The following RPL13 variants were observed in gnomAD, a reference collection of about 807,000 sequenced individuals.
RPL13 encodes large ribosomal subunit protein eL13.
RPL13 carries 1 observed loss-of-function variant against 21.4 expected under a neutral mutation model. The observed-to-expected ratio is 0.05, with a 90% CI of 0.02 to 0.22. RPL13 has a LOEUF of 0.22. Ranked by LOEUF, RPL13 falls within the 10% of genes least tolerant of loss-of-function variation. The probability of loss-of-function intolerance (pLI) is 1.00; values close to 1 mark genes in which losing one functional copy is unlikely to be tolerated. For missense variants in RPL13, 289 were observed against 303.0 expected (o/e 0.95, Z 0.34); for synonymous variants, 143 against 120.5 (o/e 1.19, Z -1.23).
rs990293728 is a variant in RPL13, at chr16:89,561,750, C to T, written c.419C>T (p.Ser140Phe). 23 of 1,613,044 alleles carry T rather than the reference C, an allele frequency of 1.4e-5. No homozygotes were observed. Among genetic ancestry groups the T allele is most frequent in the Non-Finnish European group, 1.8e-5 (21 of 1,179,522 alleles). The change falls in exon 4 of 6, where the codon TCT (serine) becomes TTT (phenylalanine). Residue 140 changes from serine to phenylalanine, a missense_variant and splice_region_variant. Transcript: ENST00000311528. ...TCGGCCCCCAAGAAGGGAGACAGTT[C>T]TGTGAGTACACGGCTCTCTGGCCGT... is the stretch of plus-strand genomic sequence containing the variant. ...KPSAPKKGDSSAEELKLATQL... is the reference protein window; with the variant it reads ...KPSAPKKGDSFAEELKLATQL...
At chr16:89,561,839 T>G (rs2058747452) in intron 4 of RPL13, 88 bp downstream of exon 4, 1 of 1,446,282 alleles carries the variant, frequency 6.9e-7, no homozygotes, top group Non-Finnish European at 9.5e-7. Context: ...TGGGTCTTGC[T>G]GGGGTGAGAA....
intron 4 of RPL13, 93 bp from the exon 5 acceptor site, chr16:89,562,242 C>G: frequency 4.9e-6 from 6 of 1,227,750 alleles, no homozygotes; most frequent in Non-Finnish European, 7.1e-6. Flanking sequence ...GTCCTGAACA[C>G]GGAATCCCCA....
rs1340125493 is a variant in RPL13 at position 89,563,865 on chromosome 16, C to T, written c.*823C>T. ...ACCCTTCCTTCAATGGGCTTCTTCA[C>T]CCAGACACCAAGGTATGAGATGGCC... On this transcript the variant is annotated 3_prime_UTR_variant, in exon 6 of 6. Coordinates refer to ENST00000311528, the MANE Select transcript of RPL13 (RefSeq NM_000977.4). 2 of 152,252 alleles carry T rather than the reference C, an allele frequency of 1.3e-5. No individual in the cohort carries two copies. Among genetic ancestry groups the T allele is most frequent in the Admixed American group, 6.5e-5 (1 of 15,282 alleles). The allele number at this position is 152,252 out of a possible 1,614,324, so 9.4% of individuals were successfully genotyped here.
chr16:89,560,929 C>G lies in RPL13; in HGVS notation c.-20-11C>G, dbSNP rs1197078072. 3 of 1,580,354 alleles carry G rather than the reference C, an allele frequency of 1.9e-6. No individual in the cohort carries two copies. Among genetic ancestry groups the G allele is most frequent in the African/African-American group, 1.4e-5 (1 of 72,194 alleles). On this transcript the variant is annotated splice_polypyrimidine_tract_variant and intron_variant, in intron 1 of 5. Transcript: ENST00000311528. ...GGTCCGGCCTCTCACTCGCTCCCCT[C>G]TCGTCCGCAGCCGCAGGGCCGTAGG...
intron 3 of RPL13, 29 bp downstream of exon 3, chr16:89,561,397 G>A: frequency 6.2e-7 from 1 of 1,611,602 alleles, no homozygotes; most frequent in African/African-American, 1.3e-5. Context: ...GCGGTGTCAG[G>A]AAGGCCCCGA....
rs757043374 is a variant in RPL13 at position 89,561,285 on chromosome 16, A to G, written c.163A>G (p.Ile55Val). ...CGCCCCGCGCCCCGCGTCGGGTCCC[A>G]TCCGGCCCATCGTGCGCTGCCCCAC... ...RIAPRPASGPIRPIVRCPTVR... is the reference protein window; with the variant it reads ...RIAPRPASGPVRPIVRCPTVR... The change falls in exon 3 of 6, where the codon ATC becomes GTC. Residue 55 changes from isoleucine to valine, a missense_variant. Transcript: ENST00000311528. 4 of 1,566,286 alleles carry G rather than the reference A, an allele frequency of 2.6e-6. No homozygotes were observed. In the South Asian group the frequency reaches 3.4e-5, roughly 13 times the overall value.
rs1359483100 is a variant in RPL13 at position 89,561,080 on chromosome 16, GGGCTGCCCCTGGGGCTCGTGCCCGC to G, written c.104+24_104+48del. The G allele has an allele frequency of 1.2e-5, 19 of 1,595,078 alleles. No individual in the cohort carries two copies. The highest frequency in any genetic ancestry group is 1.7e-5 in the Admixed American group (1 of 58,418). Reference sequence around the variant, plus strand: ...GATCCGCAGGTGAGCCCTGCGCTCGGGGCTGCCCCTGGGGCTCGTGCCCGCGGCTGCGCCTTGGCTTGCGGGTGGC... The same window carrying G: ...GATCCGCAGGTGAGCCCTGCGCTCGGGGCTGCGCCTTGGCTTGCGGGTGGC... On this transcript the variant is annotated intron_variant, in intron 2 of 5. Transcript: ENST00000311528.
At position 89,561,388 on chromosome 16, in the gene RPL13, C is replaced by T; in HGVS notation, c.246+20C>T. The T allele has an allele frequency of 6.2e-7, 1 of 1,610,644 alleles. No homozygotes were observed. The highest frequency in any genetic ancestry group is 1.1e-5 in the South Asian group (1 of 91,058). On this transcript the variant is annotated intron_variant, in intron 3 of 5. Coordinates refer to ENST00000311528, the MANE Select transcript of RPL13 (RefSeq NM_000977.4). The stretch of plus-strand genomic sequence containing the variant: ...CTCAGGGTGAGTACTGGCAGCGCTG[C>T]GGTGTCAGGAAGGCCCCGAAGTCCC...
rs371077619 is a variant in RPL13, at chr16:89,562,367, C to T, written c.453C>T (p.Thr151=). The T allele has an allele frequency of 1.2e-4, 190 of 1,612,942 alleles. No homozygotes were observed. Among genetic ancestry groups the T allele is most frequent in the Non-Finnish European group, 1.4e-4 (169 of 1,179,866 alleles). ...AEELKLATQL[T]GPVMPVRNVY... ...AACTGAAACTGGCCACCCAGCTGAC[C>T]GGACCGGTCATGCCCGTCCGGAACG... The change falls in exon 5 of 6, where the codon ACC becomes ACT. Residue 151 remains threonine (T), a synonymous_variant. Transcript: ENST00000311528.
intron 4 of RPL13, 102 bp from the exon 5 acceptor site, chr16:89,562,233 T>C: frequency 1.8e-6 from 2 of 1,082,310 alleles, no homozygotes; most frequent in Non-Finnish European, 2.8e-6. Flanking sequence ...CAGACACTGG[T>C]CCTGAACACG....
In RPL13 at chr16:89,561,721, G is replaced by C. The variant is rs1225605897; in HGVS notation, c.390G>C (p.Lys130Asn). Reference protein sequence around the residue: ...YRSKLILFPRKPSAPKKGDSS... With the variant: ...YRSKLILFPRNPSAPKKGDSS... Reference sequence around the variant, plus strand: ...CCAAACTCATCCTCTTCCCCAGGAAGCCCTCGGCCCCCAAGAAGGGAGACA... The same window carrying C: ...CCAAACTCATCCTCTTCCCCAGGAACCCCTCGGCCCCCAAGAAGGGAGACA... Residue 130 changes from lysine to asparagine, a missense_variant, in exon 4 of 6, where the codon AAG (lysine) becomes AAC (asparagine). Coordinates refer to ENST00000311528, the MANE Select transcript of RPL13 (RefSeq NM_000977.4). 6.2e-7 allele frequency: 1 copy of C among 1,613,702 alleles called. No homozygotes were observed. The highest frequency in any genetic ancestry group is 1.3e-5 in the African/African-American group (1 of 74,942).
chr16:89,562,040 T>TA (rs139622985), intron 4 of RPL13: 1 of 589,768 alleles, frequency 1.7e-6, no homozygotes, highest in Non-Finnish European at 3.0e-6. Context: ...ATAAGGTTGA[T>TA]AAAGAGTCCA....
intron 4 of RPL13, chr16:89,562,127 C>G (rs2058749599): frequency 1.6e-6 from 1 of 615,768 alleles, no homozygotes; most frequent in South Asian, 2.0e-5. Flanking sequence ...AGATAACTGT[C>G]TCGTGCGTGT....
rs1296043376 is a variant in RPL13 at position 89,561,747 on chromosome 16, GTTC to G, written c.418_420del (p.Ser140del). 1.9e-6 allele frequency: 3 copies of G among 1,613,146 alleles called. No individual in the cohort carries two copies. In the African/African-American group the frequency reaches 4.0e-5, roughly 22 times the overall value. On this transcript the variant is annotated inframe_deletion and splice_region_variant, in exon 4 of 6. Transcript: ENST00000311528. ...CCCTCGGCCCCCAAGAAGGGAGACAGTTCTGTGAGTACACGGCTCTCTGGCCGT... is the reference window on the plus strand; with the variant it reads ...CCCTCGGCCCCCAAGAAGGGAGACAGTGTGAGTACACGGCTCTCTGGCCGT...
intron 5 of RPL13, chr16:89,562,632 C>A (rs2058753837): frequency 1.7e-6 from 1 of 580,206 alleles, no homozygotes; most frequent in East Asian, 3.1e-5. Context: ...AAGAGAGTTT[C>A]TCTATGCTGC....
downstream of RPL13, chr16:89,565,613 C>T (rs1196059005): frequency 1.3e-5 from 2 of 152,550 alleles, no homozygotes; most frequent in Admixed American, 6.5e-5. Flanking sequence ...GGACAAGTGC[C>T]TGAGTGTGGG....
At chr16:89,562,146 C>G (rs952821086) in intron 4 of RPL13, 189 bp from the exon 5 acceptor site, 11 of 638,570 alleles carry the variant, frequency 1.7e-5, no homozygotes, top group Admixed American at 3.2e-5. Flanking sequence ...GTTGCGTCAA[C>G]TCAGTAAGAT....
In RPL13 at chr16:89,562,371, C is replaced by G. The variant is rs185077096; in HGVS notation, c.457C>G (p.Pro153Ala). The change falls in exon 5 of 6, where the codon CCG becomes GCG. Residue 153 changes from proline (P) to alanine (A), a missense_variant. Transcript: ENST00000311528. The part of the protein sequence containing the change: ...ELKLATQLTG[P>A]VMPVRNVYKK... The stretch of plus-strand genomic sequence containing the variant: ...GAAACTGGCCACCCAGCTGACCGGA[C>G]CGGTCATGCCCGTCCGGAACGTAAG... 3.7e-6 allele frequency: 6 copies of G among 1,612,470 alleles called. No individual in the cohort carries two copies. The East Asian group carries it at 1.3e-4, about 36-fold the overall frequency.
At chr16:89,560,896 G>A (rs1051005503) in intron 1 of RPL13, 44 bp from the exon 2 acceptor site, 9 of 1,445,156 alleles carry the variant, frequency 6.2e-6, no homozygotes, top group Non-Finnish European at 7.5e-6. Flanking sequence ...GGGGGTGCGC[G>A]CGCCCGGGGT....
Sources: allele counts gnomAD v4.1 joint callset, GRCh38; gene constraint gnomAD v4.1.1; transcripts MANE v1.5; gene names NCBI Gene and HGNC (gene_info 2026-07-23, HGNC 2026-07-21).